SNX13: variants seen among roughly 807,000 people sequenced by gnomAD.
SNX13 encodes sorting nexin 13.
Under a neutral mutation model 133.6 loss-of-function variants are expected in SNX13, and 45 were observed. The observed-to-expected ratio is 0.34, with a 90% CI of 0.27 to 0.43. The LOEUF (loss-of-function observed/expected upper bound fraction) is 0.43. Among genes scored for constraint, SNX13 ranks in the 20% least tolerant of loss-of-function variants. The probability of loss-of-function intolerance (pLI) is 1.00; values close to 1 mark genes in which losing one functional copy is unlikely to be tolerated. For missense variants in SNX13, 1,032 were observed against 1,145.1 expected, an observed-to-expected ratio of 0.90 and a Z score of 1.43; for synonymous variants, 414 against 373.9, an observed-to-expected ratio of 1.11 and a Z score of -1.24.
intron 5 of SNX13, among the ~76,000 whole-genome samples, chr7:17,884,793 G>A (rs1795794365): frequency 6.6e-6 from 1 of 152,092 alleles, no homozygotes; most frequent in Non-Finnish European, 1.5e-5. Context: ...TAGCTATCAG[G>A]GAAATGCAGA....
chr7:17,887,351 G>A (rs1376233720), intron 5 of SNX13, among the ~76,000 whole-genome samples: 5 of 152,140 alleles, frequency 3.3e-5, no homozygotes, highest in African/African-American at 1.2e-4. Flanking sequence ...TTTAGAGGGT[G>A]AATAAAAATA....
At chr7:17,866,462 C>A (rs1440122027) in intron 9 of SNX13, among the ~76,000 whole-genome samples, 1 of 151,964 alleles carries the variant, frequency 6.6e-6, no homozygotes, top group Admixed American at 6.6e-5. Flanking sequence ...GTTAAAATGG[C>A]TTTTAACCAA....
chr7:17,803,472 T>G lies in SNX13; in HGVS notation c.2173A>C (p.Met725Leu). The G allele has an allele frequency of 6.2e-7, 1 of 1,612,740 alleles. No individual in the cohort carries two copies. Among genetic ancestry groups the G allele is most frequent in the South Asian group, 1.1e-5 (1 of 90,788 alleles). The part of the protein sequence containing the change: ...AEGMTKMSDN[M>L]GKMSERLGQD... ...CCTAATCTTTCTGACATTTTGCCCA[T>G]GTTGTCTGACATTTTAGTCATTCCC... The change falls in exon 21 of 26, where the codon ATG (methionine) becomes CTG (leucine). Residue 725 changes from methionine (M) to leucine (L), a missense_variant. Transcript: ENST00000428135.
chr7:17,816,559 G>A (rs371152868), intron 18 of SNX13, among the ~76,000 whole-genome samples: 1 of 152,134 alleles, frequency 6.6e-6, no homozygotes, highest in Admixed American at 6.6e-5. Flanking sequence ...TACTTGGGAG[G>A]ATGAGGGAGG....
chr7:17,859,426 A>G (rs1792345201), intron 9 of SNX13, among the ~76,000 whole-genome samples: 1 of 152,170 alleles, frequency 6.6e-6, no homozygotes, highest in Non-Finnish European at 1.5e-5. Context: ...CTAAATGTTA[A>G]TCAGAATGTG....
At chr7:17,852,340 T>G (rs1037273905) in intron 9 of SNX13, among the ~76,000 whole-genome samples, 1 of 151,854 alleles carries the variant, frequency 6.6e-6, no homozygotes, top group African/African-American at 2.4e-5. Flanking sequence ...GCCACTGTAC[T>G]CCAGGTTGGG....
At chr7:17,907,955 C>T (rs1779861354) in intron 1 of SNX13, among the ~76,000 whole-genome samples, 1 of 152,090 alleles carries the variant, frequency 6.6e-6, no homozygotes, top group South Asian at 2.1e-4. Context: ...AAAACTGTGC[C>T]TCCAGCTCAG....
At chr7:17,869,639 G>A (rs1793822479) in intron 8 of SNX13, among the ~76,000 whole-genome samples, 1 of 152,060 alleles carries the variant, frequency 6.6e-6, no homozygotes, top group African/African-American at 2.4e-5. Context: ...TTACCCCCAT[G>A]ATGAATCAGT....
At position 17,791,762 on chromosome 7, in the gene SNX13, A is replaced by G. The variant is rs1783564340; in HGVS notation, c.*2283T>C. 6.6e-6 allele frequency: 1 copy of G among 152,044 alleles called. No homozygotes were observed. The highest frequency in any genetic ancestry group is 6.6e-5 in the Admixed American group (1 of 15,226). The allele number at this position is 152,044 out of a possible 1,614,324, so 9.4% of individuals were successfully genotyped here. ...CACTGTACTTGACTTATGGTTAAAT[A>G]TTTTACACACAGCTTGACCAAGTCA... is the stretch of plus-strand genomic sequence containing the variant. On this transcript the variant is annotated 3_prime_UTR_variant, in exon 26 of 26. Coordinates refer to ENST00000428135, the MANE Select transcript of SNX13 (RefSeq NM_015132.5).
chr7:17,922,715 G>A (rs1329275340), intron 1 of SNX13, among the ~76,000 whole-genome samples: 5 of 151,904 alleles, frequency 3.3e-5, no homozygotes, highest in African/African-American at 1.2e-4. Flanking sequence ...AAGAAAGGGA[G>A]AAGATTTAGA....
intron 18 of SNX13, 82 bp downstream of exon 18, chr7:17,821,427 T>G (rs1787267306): frequency 4.5e-6 from 6 of 1,324,164 alleles, no homozygotes; most frequent in Non-Finnish European, 6.2e-6. Flanking sequence ...AATTAATCAC[T>G]CTATCTGGGC....
At chr7:17,857,837 T>G (rs1198456026) in intron 9 of SNX13, among the ~76,000 whole-genome samples, 1 of 151,962 alleles carries the variant, frequency 6.6e-6, no homozygotes, top group African/African-American at 2.4e-5. Flanking sequence ...CATGATTAAG[T>G]GGGTGGGATT....
At chr7:17,888,371 C>T (rs958230184) in intron 5 of SNX13, 3 of 192,672 alleles carry the variant, frequency 1.6e-5, no homozygotes, top group Non-Finnish European at 3.2e-5. Context: ...AAACTTAATA[C>T]CTACAGTGAA....
At chr7:17,930,558 G>T (rs1207480077) in intron 1 of SNX13, among the ~76,000 whole-genome samples, 4 of 152,164 alleles carry the variant, frequency 2.6e-5, no homozygotes, top group African/African-American at 9.7e-5. Flanking sequence ...TGGAATTTCA[G>T]ATTCATAAAA....
At chr7:17,827,712 A>G (rs1022062835) in intron 16 of SNX13, among the ~76,000 whole-genome samples, 1 of 151,882 alleles carries the variant, frequency 6.6e-6, no homozygotes, top group African/African-American at 2.4e-5. Flanking sequence ...CAATGGTAAA[A>G]TGGGGCTAAT....
chr7:17,874,293 A>C (rs1173554073), intron 7 of SNX13, among the ~76,000 whole-genome samples: 1 of 152,210 alleles, frequency 6.6e-6, no homozygotes, highest in Non-Finnish European at 1.5e-5. Context: ...ATATCAAAAA[A>C]ATTCACAAAA....
intron 17 of SNX13, 117 bp downstream of exon 17, chr7:17,825,905 A>G (rs1787855961): frequency 3.1e-6 from 2 of 643,550 alleles, no homozygotes; most frequent in South Asian, 2.9e-5. Flanking sequence ...GAAAAAAAGT[A>G]ACAAAACTAT....
At chr7:17,836,784 A>G (rs1789185497) in intron 13 of SNX13, among the ~76,000 whole-genome samples, 1 of 152,038 alleles carries the variant, frequency 6.6e-6, no homozygotes, top group South Asian at 2.1e-4. Flanking sequence ...CTTAAATGTT[A>G]TAGGCTATAT....
chr7:17,850,580 G>T, intron 10 of SNX13, 145 bp from the exon 11 acceptor site: 1 of 616,830 alleles, frequency 1.6e-6, no homozygotes, highest in Non-Finnish European at 2.6e-6. Flanking sequence ...ATTATACAGT[G>T]AAATTATTTA....
Sources: allele counts gnomAD v4.1 joint callset (sites outside exome capture counted in the v4.1 genomes callset), GRCh38; gene constraint gnomAD v4.1.1; transcripts MANE v1.5; gene names NCBI Gene and HGNC (gene_info 2026-07-23, HGNC 2026-07-21).